The following ADGRD2 variants were observed in gnomAD, a reference collection of about 807,000 sequenced individuals.
ADGRD2 encodes G protein-coupled receptor PGR24.
Under a neutral mutation model 44.4 loss-of-function variants are expected in ADGRD2, and 71 were observed. That is an observed-to-expected ratio of 1.60 (90% CI 1.32 to 1.95). The LOEUF is 1.95. Ranked by LOEUF, ADGRD2 falls within the 30% of genes most tolerant of loss-of-function variation. The pLI is 0.00. For missense variants in ADGRD2, 1,039 were observed against 512.4 expected (o/e 2.03, Z -9.92); for synonymous variants, 481 against 224.8 (o/e 2.14, Z -10.19).
upstream of ADGRD2, chr9:124,452,065 C>G (rs1831484373): frequency 5.7e-6 from 3 of 526,624 alleles, no homozygotes; most frequent in Non-Finnish European, 7.5e-6. Context: ...GTTGTCCCAG[C>G]CCCCACCTGT....
chr9:124,470,102 G>C (rs1831919166), intron 16 of ADGRD2, among the ~76,000 whole-genome samples: 1 of 152,154 alleles, frequency 6.6e-6, no homozygotes, highest in Non-Finnish European at 1.5e-5. Flanking sequence ...GCCAGCCTAA[G>C]CTGGGAGGGG....
Position 124,475,500 on chromosome 9 carries a change from G to A in ADGRD2, c.2800+13G>A, listed in dbSNP as rs1023730417. ...CTGCAATGAGGAGGTGAGTCTGGGG[G>A]TGCCGGCTGCAGGGAGAGGGGTCCA... On this transcript the variant is annotated intron_variant, in intron 18 of 21. Coordinates refer to ENST00000334810, the Ensembl canonical transcript of ADGRD2. The A allele has an allele frequency of 1.1e-5, 8 of 714,920 alleles. No homozygotes were observed. The highest frequency in any genetic ancestry group is 1.1e-4 in the African/African-American group (6 of 57,138). 44.3% of individuals were successfully genotyped at this position (714,920 alleles called of 1,614,324 possible). A position where few individuals can be genotyped will look rare whatever the true frequency, so the allele number is the denominator to read the frequency against.
chr9:124,472,191 C>T (rs79671633), intron 17 of ADGRD2, among the ~76,000 whole-genome samples: 10 of 146,422 alleles, frequency 6.8e-5, no homozygotes, highest in African/African-American at 2.2e-4. Context: ...GCAATGCCAC[C>T]GTCGCACCGT....
chr9:124,475,667 G>A, intron 19 of ADGRD2, 52 bp downstream of exon 22: 1 of 608,560 alleles, frequency 1.6e-6, no homozygotes, highest in Non-Finnish European at 3.0e-6. Flanking sequence ...CCAGAGCCAG[G>A]TCCCAGCCCC....
At chr9:124,456,437 G>A (rs1317759223) in intron 6 of ADGRD2, among the ~76,000 whole-genome samples, 185 bp from the exon 10 acceptor site, 1 of 152,206 alleles carries the variant, frequency 6.6e-6, no homozygotes, top group East Asian at 1.9e-4. Context: ...GGAGGCTGGG[G>A]CAGGCAGGGC....
intron 10 of ADGRD2, among the ~76,000 whole-genome samples, chr9:124,459,647 C>T (rs1398526967): frequency 6.6e-6 from 1 of 152,060 alleles, no homozygotes; most frequent in Non-Finnish European, 1.5e-5. Flanking sequence ...GGGTCATAAA[C>T]AAGACAGTAT....
intron 7 of ADGRD2, among the ~76,000 whole-genome samples, chr9:124,457,089 G>C (rs1343802163): frequency 1.3e-5 from 2 of 152,220 alleles, no homozygotes; most frequent in Non-Finnish European, 2.9e-5. Context: ...CTCCTTGAGT[G>C]GTAAGGCTGT....
At chr9:124,455,953 G>A (rs1831607768) in intron 6 of ADGRD2, among the ~76,000 whole-genome samples, 1 of 152,200 alleles carries the variant, frequency 6.6e-6, no homozygotes, top group African/African-American at 2.4e-5. Flanking sequence ...ACAGAACTGG[G>A]ACTAGGACAT....
intron 7 of ADGRD2, 55 bp downstream of exon 10, chr9:124,456,788 C>G (rs1831626433): frequency 1.4e-6 from 1 of 700,992 alleles, no homozygotes; most frequent in African/African-American, 1.7e-5. Flanking sequence ...CTCCTCAGCC[C>G]TGGTGACTGG....
chr9:124,457,177 C>A (rs1476482699), intron 7 of ADGRD2, among the ~76,000 whole-genome samples: 1 of 152,222 alleles, frequency 6.6e-6, no homozygotes, highest in Non-Finnish European at 1.5e-5. Context: ...TGGGGGTGCA[C>A]CTGTGGTGAA....
At chr9:124,452,551 G>C (rs747934594) in exon 2 of ADGRD2, 37 of 718,452 alleles carry the variant, frequency 5.1e-5, no homozygotes, top group Middle Eastern at 2.3e-4. Flanking sequence ...TGCAGGTGGG[G>C]TGTGCAAGTT....
chr9:124,451,398 G>A (rs113796531), upstream of ADGRD2: 6 of 366,106 alleles, frequency 1.6e-5, no homozygotes, highest in Admixed American at 1.7e-4. Context: ...TCCCTGCTTC[G>A]GTCCTGAAGG....
chr9:124,458,175 G>A (rs1250195263), exon 9 of ADGRD2: 1 of 718,486 alleles, frequency 1.4e-6, no homozygotes, highest in East Asian at 2.7e-5. Flanking sequence ...GCACACCCTA[G>A]AGGGACCGGA....
chr9:124,470,459 C>T (rs1564143077), intron 16 of ADGRD2, 35 bp from the exon 20 acceptor site: 1 of 699,882 alleles, frequency 1.4e-6, no homozygotes, highest in Non-Finnish European at 2.6e-6. Flanking sequence ...CCCCAGGCCT[C>T]CCAACCCCCG....
At chr9:124,455,981 G>A (rs187513857) in intron 6 of ADGRD2, among the ~76,000 whole-genome samples, 25 of 152,328 alleles carry the variant, frequency 1.6e-4, no homozygotes, top group African/African-American at 5.5e-4. Flanking sequence ...GGGGAAGACG[G>A]CATAACACAG....
exon 2 of ADGRD2, chr9:124,452,623 T>C: frequency 1.4e-6 from 1 of 718,378 alleles, no homozygotes; most frequent in Non-Finnish European, 2.6e-6. Context: ...GTTTGGCCAC[T>C]TGGCACTGCA....
intron 10 of ADGRD2, among the ~76,000 whole-genome samples, chr9:124,460,085 GACACACACAC>G (rs3983851): frequency 6.7e-6 from 1 of 150,012 alleles, no homozygotes; most frequent in Non-Finnish European, 1.5e-5. Flanking sequence ...AGTAATCTTG[GACACACACAC>G]ACACACACAC....
At chr9:124,473,575 G>T (rs891042347) in intron 17 of ADGRD2, among the ~76,000 whole-genome samples, 1 of 152,240 alleles carries the variant, frequency 6.6e-6, no homozygotes, top group African/African-American at 2.4e-5. Context: ...TGTTCAACAC[G>T]CACTCCCCTA....
Position 124,452,141 on chromosome 9 carries a change from C to T in ADGRD2, c.53C>T (p.Thr18Ile), listed in dbSNP as rs779002039. ...CCAACTCCCCAGGTGAATCAAGGAA[C>T]CCTTGGGCCCCAGGTTGGTATGAGG... The change falls in exon 1 of 22, where the codon ACC becomes ATC. Residue 18 changes from threonine (T) to isoleucine (I), a missense_variant. Coordinates refer to ENST00000334810, the Ensembl canonical transcript of ADGRD2. 5.6e-6 allele frequency: 4 copies of T among 717,420 alleles called. No individual in the cohort carries two copies. In the East Asian group the frequency reaches 8.0e-5, roughly 14 times the overall value. 44.4% of individuals were successfully genotyped at this position (717,420 alleles called of 1,614,324 possible).
Sources: gnomAD v4.1 joint callset for allele counts (sites outside exome capture counted in the v4.1 genomes callset) on GRCh38, gnomAD v4.1.1 for gene constraint, MANE v1.5 for transcripts, NCBI Gene and HGNC (gene_info 2026-07-23, HGNC 2026-07-21) for gene names.